Variants in PAM observed in about 807,000 individuals in gnomAD.
PAM encodes the protein peptidyl-glycine alpha-amidating monooxygenase.
Under a neutral mutation model 122.1 loss-of-function variants are expected in PAM, and 72 were observed. The observed-to-expected ratio is 0.59, with a 90% CI of 0.49 to 0.72. The LOEUF is 0.72. Among genes scored for constraint, PAM ranks in the 30% least tolerant of loss-of-function variants. The probability of loss-of-function intolerance (pLI) is 0.00; values close to 1 mark genes in which losing one functional copy is unlikely to be tolerated. For synonymous variants in PAM, 389 were observed against 404.4 expected, an observed-to-expected ratio of 0.96 and a Z score of 0.46; for missense variants, 1,106 against 1,183.7, an observed-to-expected ratio of 0.93 and a Z score of 0.96.
chr5:102,971,373 G>T (rs1765773390), intron 14 of PAM, among the ~76,000 whole-genome samples: 2 of 152,274 alleles, frequency 1.3e-5, no homozygotes, highest in South Asian at 2.1e-4. Flanking sequence ...AAGTTAAGTA[G>T]AATTTACTTA....
intron 17 of PAM, 128 bp downstream of exon 17, chr5:103,003,277 T>G: frequency 1.9e-6 from 1 of 535,426 alleles, no homozygotes; most frequent in Non-Finnish European, 3.4e-6. Flanking sequence ...AACTGGGCCA[T>G]CCCATCTTTC....
chr5:103,015,363 G>C (rs1781683148), intron 21 of PAM, among the ~76,000 whole-genome samples: 2 of 152,138 alleles, frequency 1.3e-5, no homozygotes, highest in South Asian at 2.1e-4. Context: ...ACAAGATTTT[G>C]AAGGCAGTTT....
intron 15 of PAM, among the ~76,000 whole-genome samples, chr5:102,977,802 C>A (rs904748800): frequency 1.3e-5 from 2 of 151,950 alleles, no homozygotes; most frequent in African/African-American, 2.4e-5. Context: ...GTCCAGGTAC[C>A]CGACTGCCTG....
intron 1 of PAM, among the ~76,000 whole-genome samples, chr5:102,862,767 T>C (rs1784526873): frequency 6.6e-6 from 1 of 152,180 alleles, no homozygotes; most frequent in Non-Finnish European, 1.5e-5. Context: ...GTAATATGAT[T>C]ACATCCATTT....
In PAM at chr5:102,868,801, T is replaced by C. The variant is rs139666575; in HGVS notation, c.210+1408T>C. Among the ~76,000 whole-genome samples, 202 of 152,292 alleles carry C rather than the reference T, an allele frequency of 1.3e-3. 1 individual carries two copies. The highest frequency in any genetic ancestry group is 4.7e-3 in the African/African-American group (194 of 41,554). ...TATTGTTATTCTTTCTTCTCATTAT[T>C]TAAGAGTAATAACATTTAAATTACT... On this transcript the variant is annotated intron_variant, in intron 3 of 25. Coordinates refer to ENST00000438793, the MANE Select transcript of PAM (RefSeq NM_001177306.2).
chr5:102,863,410 CTCT>C lies in PAM; in HGVS notation c.-373-2408_-373-2406del, dbSNP rs1332508662. Among the ~76,000 whole-genome samples the C allele has an allele frequency of 6.0e-4, 91 of 152,242 alleles. 1 individual carries two copies. The highest frequency in any genetic ancestry group is 7.4e-5 in the Non-Finnish European group (5 of 68,002). On this transcript the variant is annotated intron_variant, in intron 1 of 25. Coordinates refer to ENST00000438793, the MANE Select transcript of PAM (RefSeq NM_001177306.2). ...CCCCTTCCACTGAATACTGCTTTTACTCTTCTTTTTTCTTGCCCTCCTTTTGAG... is the reference window on the plus strand; with the variant it reads ...CCCCTTCCACTGAATACTGCTTTTACTCTTTTTTCTTGCCCTCCTTTTGAG...
intron 3 of PAM, among the ~76,000 whole-genome samples, chr5:102,891,721 G>A (rs1794846225): frequency 6.6e-6 from 1 of 151,746 alleles, no homozygotes; most frequent in African/African-American, 2.4e-5. Flanking sequence ...TTATCATTCT[G>A]TCTTCTTATA....
intron 1 of PAM, among the ~76,000 whole-genome samples, chr5:102,816,590 C>T (rs1027765095): frequency 1.3e-5 from 2 of 152,088 alleles, no homozygotes; most frequent in Admixed American, 6.6e-5. Flanking sequence ...CTCTGTCCTC[C>T]GCTGACTTGA....
intron 4 of PAM, among the ~76,000 whole-genome samples, chr5:102,904,302 T>G (rs1798887569): frequency 6.6e-6 from 1 of 151,602 alleles, no homozygotes; most frequent in South Asian, 2.1e-4. Context: ...TCATTCTGTT[T>G]GTTTATTCTT....
chr5:102,804,431 G>A (rs1312402577), intron 1 of PAM, among the ~76,000 whole-genome samples: 1 of 152,188 alleles, frequency 6.6e-6, no homozygotes, highest in Non-Finnish European at 1.5e-5. Flanking sequence ...AACAGGAAGA[G>A]AAGGATCAGG....
At chr5:102,844,589 C>T (rs1429901846) in intron 1 of PAM, among the ~76,000 whole-genome samples, 1 of 152,050 alleles carries the variant, frequency 6.6e-6, no homozygotes, top group African/African-American at 2.4e-5. Flanking sequence ...GATCCTTGAG[C>T]CCAGGAGTTC....
chr5:102,879,151 C>T lies in PAM; in HGVS notation c.210+11758C>T, dbSNP rs371222420. Among the ~76,000 whole-genome samples, 685 of 152,210 alleles carry T rather than the reference C, an allele frequency of 4.5e-3. 4 individuals are homozygous for T. The highest frequency in any genetic ancestry group is 0.02 in the Middle Eastern group (6 of 294). ...TTCACCATGTTAGCCAGGATGGTCT[C>T]GATCTCCTGACCTCGTGATCTGCCC... On this transcript the variant is annotated intron_variant, in intron 3 of 25. Transcript: ENST00000438793.
At chr5:102,847,046 G>C (rs1237884140) in intron 1 of PAM, among the ~76,000 whole-genome samples, 1 of 152,156 alleles carries the variant, frequency 6.6e-6, no homozygotes, top group Non-Finnish European at 1.5e-5. Flanking sequence ...GGTTAGTGCT[G>C]CTGCTTTGAT....
At chr5:102,814,961 A>AC (rs1371191287) in intron 1 of PAM, among the ~76,000 whole-genome samples, 1 of 150,960 alleles carries the variant, frequency 6.6e-6, no homozygotes. Context: ...ACACACACGC[A>AC]CCCCCCATAC....
At chr5:103,001,828 C>G (rs958949128) in intron 16 of PAM, among the ~76,000 whole-genome samples, 1 of 151,996 alleles carries the variant, frequency 6.6e-6, no homozygotes, top group Non-Finnish European at 1.5e-5. Flanking sequence ...TGTTACCTTC[C>G]CAAATTGCAA....
At chr5:102,900,692 C>T (rs1004378203) in intron 3 of PAM, among the ~76,000 whole-genome samples, 2 of 151,512 alleles carry the variant, frequency 1.3e-5, no homozygotes, top group Non-Finnish European at 3.0e-5. Flanking sequence ...GTATGGATTT[C>T]CATTAAGGAA....
intron 1 of PAM, among the ~76,000 whole-genome samples, chr5:102,794,597 T>G (rs955121159): frequency 3.3e-5 from 5 of 152,184 alleles, no homozygotes; most frequent in African/African-American, 1.2e-4. Flanking sequence ...GAAGATAGTT[T>G]GATTCAATAT....
At position 103,028,877 on chromosome 5, in the gene PAM, T is replaced by C; in HGVS notation, c.2744-10T>C. 2.5e-6 allele frequency: 4 copies of C among 1,586,644 alleles called. No homozygotes were observed. Among genetic ancestry groups the C allele is most frequent in the Non-Finnish European group, 3.4e-6 (4 of 1,167,546 alleles). On this transcript the variant is annotated splice_polypyrimidine_tract_variant and intron_variant, in intron 25 of 25. Coordinates refer to ENST00000438793, the MANE Select transcript of PAM (RefSeq NM_001177306.2). ...TTTACCCAATTCTGTTATTGTTTGC[T>C]TTTTTTCAGGAAAGGGAAGTGGAGG... is the stretch of plus-strand genomic sequence containing the variant.
chr5:102,900,254 T>TGGGG lies in PAM; in HGVS notation c.211-1095_211-1092dup, dbSNP rs140960589. On this transcript the variant is annotated intron_variant, in intron 3 of 25. Transcript: ENST00000438793. ...CTTCAGGTCTCTTAATGTGTGTGTG[T>TGGGG]GGGGGGGGGGCGGGGGGAAGAGGGT... Among the ~76,000 whole-genome samples, 31 of 26,990 alleles carry TGGGG rather than the reference T, an allele frequency of 1.1e-3. 1 individual carries two copies. The highest frequency in any genetic ancestry group is 6.5e-3 in the East Asian group (7 of 1,076). 17.7% of individuals were successfully genotyped at this position (26,990 alleles called of 152,430 possible). A position where few individuals can be genotyped will look rare whatever the true frequency, so the allele number is the denominator to read the frequency against.
Sources: allele counts gnomAD v4.1 joint callset (sites outside exome capture counted in the v4.1 genomes callset), GRCh38; gene constraint gnomAD v4.1.1; transcripts MANE v1.5; gene names NCBI Gene and HGNC (gene_info 2026-07-23, HGNC 2026-07-21).